Variants in LIN28B observed in about 807,000 individuals in gnomAD.
LIN28B encodes protein lin-28 homolog B.
LIN28B carries 5 observed loss-of-function variants against 21.9 expected under a neutral mutation model. The observed-to-expected ratio is 0.23, with a 90% confidence interval of 0.12 to 0.48. The LOEUF (loss-of-function observed/expected upper bound fraction) is 0.48. Among genes scored for constraint, LIN28B ranks in the 20% least tolerant of loss-of-function variants. The pLI is 0.98. For missense variants in LIN28B, 245 were observed against 310.5 expected (o/e 0.79, Z 1.58); for synonymous variants, 109 against 111.3 (o/e 0.98, Z 0.13).
intron 3 of LIN28B, among the ~76,000 whole-genome samples, chr6:105,056,043 G>A (rs192572401): frequency 1.2e-4 from 18 of 149,276 alleles, no homozygotes; most frequent in East Asian, 4.1e-4. Context: ...TTACAAGCAT[G>A]AGCCACTGTG....
At position 105,078,586 on chromosome 6, in the gene LIN28B, C is replaced by A; in HGVS notation, c.556C>A (p.Pro186Thr). The A allele has an allele frequency of 1.2e-6, 2 of 1,614,130 alleles. No individual in the cohort carries two copies. The highest frequency in any genetic ancestry group is 1.7e-6 in the Non-Finnish European group (2 of 1,180,036). The change falls in exon 4 of 4, where the codon CCA becomes ACA. Residue 186 changes from proline to threonine, a missense_variant. Coordinates refer to ENST00000345080, the MANE Select transcript of LIN28B (RefSeq NM_001004317.4). ...GGGAAGACAGGAAGCAGAATCCCAG[C>A]CATGCACTTCAACTCTCCCTCGAGA... ...SQGRQEAESQ[P>T]CTSTLPREVG...
At chr6:105,051,734 C>CA (rs11406348) in intron 3 of LIN28B, among the ~76,000 whole-genome samples, 125,202 of 151,900 alleles carry the variant, frequency 0.82, 51,753 homozygotes, top group Non-Finnish European at 0.86. Context: ...CTCAGTTTCT[C>CA]TCTGTAAATT....
Position 105,025,959 on chromosome 6 carries a change from A to T in LIN28B, c.199-339A>T, listed in dbSNP as rs188653174. Reference sequence around the variant, plus strand: ...CAGTTTCCCATTGATAGATGTTCAGATAGATGTAATTATTTTTTACCAATC... The same window carrying T: ...CAGTTTCCCATTGATAGATGTTCAGTTAGATGTAATTATTTTTTACCAATC... On this transcript the variant is annotated intron_variant, in intron 2 of 3. Transcript: ENST00000345080. Among the ~76,000 whole-genome samples the T allele has an allele frequency of 9.2e-5, 14 of 152,184 alleles. 1 individual carries two copies. Among genetic ancestry groups the T allele is most frequent in the Admixed American group, 8.5e-4 (13 of 15,276 alleles).
At chr6:104,958,982 T>A (rs1221352922) in intron 2 of LIN28B, among the ~76,000 whole-genome samples, 2 of 152,182 alleles carry the variant, frequency 1.3e-5, no homozygotes, top group African/African-American at 2.4e-5. Context: ...GGCTCTTGCT[T>A]GTGTGTTTAA....
intron 2 of LIN28B, among the ~76,000 whole-genome samples, chr6:105,023,596 T>A (rs4591895): frequency 1.8e-5 from 1 of 54,234 alleles, no homozygotes; most frequent in African/African-American, 7.7e-5. Context: ...ATATATATTA[T>A]ATATATAAAA....
intron 3 of LIN28B, among the ~76,000 whole-genome samples, chr6:105,050,811 C>G (rs1232602884): frequency 6.6e-6 from 1 of 150,896 alleles, no homozygotes; most frequent in Non-Finnish European, 1.5e-5. Flanking sequence ...TTCTTTTAGA[C>G]AGAGATCACC....
At chr6:105,034,203 ACTGT>A (rs956258171) in intron 3 of LIN28B, among the ~76,000 whole-genome samples, 3 of 151,690 alleles carry the variant, frequency 2.0e-5, no homozygotes, top group African/African-American at 7.2e-5. Flanking sequence ...TAGAGTAGTG[ACTGT>A]CTTTTTTGTT....
chr6:105,051,100 A>C (rs1771892206), intron 3 of LIN28B, among the ~76,000 whole-genome samples: 1 of 151,400 alleles, frequency 6.6e-6, no homozygotes, highest in Non-Finnish European at 1.5e-5. Flanking sequence ...GTAGACTAAT[A>C]AGTAAATATA....
intron 2 of LIN28B, among the ~76,000 whole-genome samples, chr6:105,022,148 T>C (rs1309261590): frequency 1.3e-5 from 2 of 151,672 alleles, no homozygotes; most frequent in Non-Finnish European, 2.9e-5. Flanking sequence ...TAAGATTTAT[T>C]GAGAGAGAAT....
intron 2 of LIN28B, among the ~76,000 whole-genome samples, chr6:104,969,828 G>C (rs1051476948): frequency 6.6e-6 from 1 of 152,174 alleles, no homozygotes; most frequent in Non-Finnish European, 1.5e-5. Flanking sequence ...GACATTTAAA[G>C]CTTCCCTGAA....
chr6:104,948,545 TGAA>T (rs1778184717), intron 2 of LIN28B, among the ~76,000 whole-genome samples: 2 of 152,216 alleles, frequency 1.3e-5, no homozygotes, highest in Admixed American at 6.5e-5. Context: ...TTCATGCATT[TGAA>T]GAATTATTTT....
chr6:104,978,291 C>CA (rs1217235423), intron 2 of LIN28B, among the ~76,000 whole-genome samples: 2 of 151,986 alleles, frequency 1.3e-5, no homozygotes, highest in Non-Finnish European at 2.9e-5. Context: ...TTTTTAAGTC[C>CA]AAAAAACATT....
At chr6:104,938,160 A>G (rs1778034144) in intron 2 of LIN28B, among the ~76,000 whole-genome samples, 1 of 151,726 alleles carries the variant, frequency 6.6e-6, no homozygotes, top group African/African-American at 2.4e-5. Context: ...ATGGATTCTC[A>G]CTTGTGCCCA....
intron 3 of LIN28B, among the ~76,000 whole-genome samples, chr6:105,052,835 C>T (rs963898021): frequency 6.6e-6 from 1 of 151,920 alleles, no homozygotes; most frequent in East Asian, 1.9e-4. Context: ...CCTTTCTAGC[C>T]AATTTTTGGC....
intron 3 of LIN28B, among the ~76,000 whole-genome samples, chr6:105,028,376 A>G (rs955025816): frequency 2.0e-5 from 3 of 152,220 alleles, no homozygotes; most frequent in Non-Finnish European, 2.9e-5. Flanking sequence ...CTGCAATGAC[A>G]GCACAATGTG....
chr6:104,950,572 C>T (rs771988580), intron 3 of LIN28B: 2 of 980,572 alleles, frequency 2.0e-6, no homozygotes, highest in Admixed American at 4.3e-5. Context: ...ATCAAGATCG[C>T]TAGAGGCATA....
At position 104,957,199 on chromosome 6, in the gene LIN28B, A is replaced by G; in HGVS notation, c.-52A>G. 9 of 1,614,006 alleles carry G rather than the reference A, an allele frequency of 5.6e-6. No homozygotes were observed. In the South Asian group the frequency reaches 9.9e-5, roughly 18 times the overall value. ...TTGATGCAGAAGATCACTCCGTTCC[A>G]AAGGGAAAGTTTTCATCTCACGAGT... On this transcript the variant is annotated 5_prime_UTR_variant, in exon 1 of 4. Transcript: ENST00000345080.
chr6:105,022,164 G>C (rs1771154868), intron 2 of LIN28B, among the ~76,000 whole-genome samples: 1 of 152,084 alleles, frequency 6.6e-6, no homozygotes, highest in African/African-American at 2.4e-5. Flanking sequence ...AGAATGTGCA[G>C]GTATGGAAGA....
chr6:105,060,255 A>C (rs1772101130), intron 3 of LIN28B, among the ~76,000 whole-genome samples: 1 of 149,012 alleles, frequency 6.7e-6, no homozygotes, highest in Admixed American at 6.7e-5. Context: ...TTGCTAATTC[A>C]TTTTTTTGTT....
Sources: allele counts gnomAD v4.1 joint callset (sites outside exome capture counted in the v4.1 genomes callset), GRCh38; gene constraint gnomAD v4.1.1; transcripts MANE v1.5; gene names NCBI Gene and HGNC (gene_info 2026-07-23, HGNC 2026-07-21).